The following FTO variants were observed in gnomAD, a reference collection of about 807,000 sequenced individuals.
The protein encoded by FTO is FTO alpha-ketoglutarate dependent dioxygenase.
Under a neutral mutation model 63.9 loss-of-function variants are expected in FTO, and 47 were observed. The ratio of observed to expected loss-of-function variants is 0.74; its 90% CI spans 0.58 to 0.94. The LOEUF is 0.94. Ranked by LOEUF, FTO falls within the 40% of genes least tolerant of loss-of-function variation. The probability of loss-of-function intolerance (pLI) is 0.00; values close to 1 mark genes in which losing one functional copy is unlikely to be tolerated. For missense variants in FTO, 562 were observed against 618.1 expected (o/e 0.91, Z 0.96); for synonymous variants, 207 against 224.4 (o/e 0.92, Z 0.69).
At chr16:54,022,717 C>CA (rs1276207546) in intron 8 of FTO, among the ~76,000 whole-genome samples, 7 of 151,710 alleles carry the variant, frequency 4.6e-5, no homozygotes, top group South Asian at 2.1e-4. Flanking sequence ...CAAGAGTTCA[C>CA]AAAAAAAACC....
At chr16:54,005,158 A>C (rs1599185996) in intron 8 of FTO, among the ~76,000 whole-genome samples, 1 of 149,380 alleles carries the variant, frequency 6.7e-6, no homozygotes, top group African/African-American at 2.4e-5. Flanking sequence ...TCTTGTCTTC[A>C]TAGCTAAGAT....
chr16:54,057,771 T>G (rs758494650), intron 8 of FTO, among the ~76,000 whole-genome samples: 13 of 152,202 alleles, frequency 8.5e-5, no homozygotes, highest in Non-Finnish European at 1.8e-4. Context: ...AATGCAAGTT[T>G]CACTGTGGCT....
intron 1 of FTO, among the ~76,000 whole-genome samples, chr16:53,714,795 C>G (rs989455080): frequency 2.0e-5 from 3 of 152,090 alleles, no homozygotes; most frequent in Non-Finnish European, 4.4e-5. Flanking sequence ...CACAGCCAGG[C>G]AGAGGAGTTG....
intron 1 of FTO, among the ~76,000 whole-genome samples, chr16:53,769,841 A>G (rs1169548430): frequency 6.6e-6 from 1 of 152,150 alleles, no homozygotes; most frequent in Non-Finnish European, 1.5e-5. Context: ...TTAGGGATCT[A>G]AGCTGAAGGA....
At chr16:53,844,823 G>C (rs2079575128) in intron 4 of FTO, among the ~76,000 whole-genome samples, 1 of 151,758 alleles carries the variant, frequency 6.6e-6, no homozygotes, top group African/African-American at 2.4e-5. Flanking sequence ...ACAATTTTCT[G>C]GATTCTTTAT....
At chr16:53,788,328 T>A (rs566053244) in intron 1 of FTO, among the ~76,000 whole-genome samples, 1 of 152,082 alleles carries the variant, frequency 6.6e-6, no homozygotes, top group South Asian at 2.1e-4. Flanking sequence ...TTTGGCCAGA[T>A]GGGGTGGCTC....
intron 8 of FTO, among the ~76,000 whole-genome samples, chr16:54,034,636 G>A (rs116203103): frequency 3.9e-5 from 6 of 152,112 alleles, no homozygotes; most frequent in Admixed American, 1.3e-4. Flanking sequence ...TAATAGAGCT[G>A]TTCTCCTAGT....
At chr16:53,933,925 G>A in intron 7 of FTO, 60 bp from the exon 8 acceptor site, 2 of 1,542,460 alleles carry the variant, frequency 1.3e-6, no homozygotes, top group East Asian at 4.6e-5. Context: ...TTGCTTATGG[G>A]CTTTTTTTTA....
intron 3 of FTO, among the ~76,000 whole-genome samples, chr16:53,843,749 T>G (rs1471786182): frequency 6.6e-6 from 1 of 152,202 alleles, no homozygotes; most frequent in Non-Finnish European, 1.5e-5. Flanking sequence ...CTGACATTTC[T>G]GTGATGTTCA....
At chr16:53,976,082 A>G (rs1187299006) in intron 8 of FTO, among the ~76,000 whole-genome samples, 1 of 152,044 alleles carries the variant, frequency 6.6e-6, no homozygotes, top group Non-Finnish European at 1.5e-5. Flanking sequence ...AAATTTAATG[A>G]TGTCTTTCAT....
chr16:54,118,737 C>T lies in FTO; in HGVS notation c.*6822C>T, dbSNP rs1180191730. 2 of 152,110 alleles carry T rather than the reference C, an allele frequency of 1.3e-5. No homozygotes were observed. Among genetic ancestry groups the T allele is most frequent in the East Asian group, 3.9e-4 (2 of 5,186 alleles). The allele number at this position is 152,110 out of a possible 1,614,324, so 9.4% of individuals were successfully genotyped here. On this transcript the variant is annotated 3_prime_UTR_variant, in exon 9 of 9. Transcript: ENST00000471389. ...TCGTGGTGCCAGTTTCAAGGGCACC[C>T]TTCTTCCCTTCCCAGCCTCCGAGAG...
In FTO at chr16:54,090,935, G is replaced by A. The variant is rs960769566; in HGVS notation, c.1365-20827G>A. ...CTTTCTCTCCAAGTGGCCTTTCCAT[G>A]TGGGCTCTCCAGCAGGGCAGCCATG... On this transcript the variant is annotated intron_variant, in intron 8 of 8. Coordinates refer to ENST00000471389, the MANE Select transcript of FTO (RefSeq NM_001080432.3). Among the ~76,000 whole-genome samples the A allele has an allele frequency of 2.0e-4, 30 of 152,172 alleles. 1 individual carries two copies. Among genetic ancestry groups the A allele is most frequent in the African/African-American group, 7.0e-4 (29 of 41,444 alleles).
At chr16:54,004,338 G>A (rs368804206) in intron 8 of FTO, among the ~76,000 whole-genome samples, 319 of 152,120 alleles carry the variant, frequency 2.1e-3, no homozygotes, top group African/African-American at 7.1e-3. Flanking sequence ...ACTACAGTGA[G>A]TTATGAAGGG....
chr16:53,830,788 C>T (rs774826521), intron 3 of FTO, among the ~76,000 whole-genome samples: 5 of 152,006 alleles, frequency 3.3e-5, no homozygotes, highest in South Asian at 4.1e-4. Flanking sequence ...CCCAGCTACT[C>T]GGGAGGCTGA....
chr16:53,783,756 C>G (rs1719311878), intron 1 of FTO, among the ~76,000 whole-genome samples: 1 of 151,980 alleles, frequency 6.6e-6, no homozygotes, highest in Admixed American at 6.6e-5. Context: ...CCACTGCACT[C>G]CGGCCTGGGT....
intron 1 of FTO, among the ~76,000 whole-genome samples, chr16:53,732,893 G>GGGAA (rs1387532536): frequency 6.6e-6 from 1 of 152,166 alleles, no homozygotes; most frequent in Admixed American, 6.5e-5. Context: ...TCTGGCATCA[G>GGGAA]GGAAGGAATG....
chr16:53,864,879 T>C (rs1598858705), intron 4 of FTO, among the ~76,000 whole-genome samples: 2 of 152,298 alleles, frequency 1.3e-5, no homozygotes, highest in Middle Eastern at 6.8e-3. Flanking sequence ...TTTTTTAAAG[T>C]CATAAAGGAT....
At chr16:53,953,838 T>C (rs2082858014) in intron 8 of FTO, among the ~76,000 whole-genome samples, 1 of 152,244 alleles carries the variant, frequency 6.6e-6, no homozygotes, top group South Asian at 2.1e-4. Flanking sequence ...TGAGCAAATC[T>C]TTTAAAATTA....
chr16:54,062,358 G>C (rs1323413310), intron 8 of FTO, among the ~76,000 whole-genome samples: 1 of 152,144 alleles, frequency 6.6e-6, no homozygotes, highest in Non-Finnish European at 1.5e-5. Context: ...GGGTATTGTA[G>C]TGTGCTTGGC....
Sources: allele counts gnomAD v4.1 joint callset (sites outside exome capture counted in the v4.1 genomes callset), GRCh38; gene constraint gnomAD v4.1.1; transcripts MANE v1.5; gene names NCBI Gene and HGNC (gene_info 2026-07-23, HGNC 2026-07-21).